The following GPR149 variants were observed in gnomAD, a reference collection of about 807,000 sequenced individuals.
GPR149 encodes the protein probable G protein-coupled receptor 149.
A neutral mutation model predicts 50.2 loss-of-function variants in GPR149; 50 were observed. The observed-to-expected ratio is 1.00, with a 90% CI of 0.79 to 1.26. The LOEUF is 1.26. Ranked by LOEUF, GPR149 falls within the 50% of genes most tolerant of loss-of-function variation. The pLI is 0.00. For missense variants in GPR149, 983 were observed against 895.4 expected (o/e 1.10, Z -1.25); for synonymous variants, 405 against 358.2 (o/e 1.13, Z -1.48).
At chr3:154,417,563 G>A (rs746044931) in intron 3 of GPR149, among the ~76,000 whole-genome samples, 6 of 152,012 alleles carry the variant, frequency 3.9e-5, no homozygotes, top group Admixed American at 3.3e-4. Flanking sequence ...ACTATTAAAT[G>A]TAGTACCATT....
At chr3:154,360,527 T>C (rs1424916978) in intron 3 of GPR149, among the ~76,000 whole-genome samples, 2 of 152,218 alleles carry the variant, frequency 1.3e-5, no homozygotes, top group African/African-American at 4.8e-5. Context: ...GCACAGATGT[T>C]AAGTATGTTT....
chr3:154,352,296 C>T (rs1400474989), intron 3 of GPR149: 4 of 885,916 alleles, frequency 4.5e-6, no homozygotes, highest in Non-Finnish European at 7.2e-6. Context: ...GCCTGACCAG[C>T]CACTTGACCA....
intron 3 of GPR149, among the ~76,000 whole-genome samples, chr3:154,341,079 A>G (rs1422174949): frequency 1.3e-5 from 2 of 152,026 alleles, no homozygotes; most frequent in African/African-American, 2.4e-5. Context: ...AAAGGGTTAT[A>G]TTGAAAACTT....
intron 3 of GPR149, among the ~76,000 whole-genome samples, chr3:154,361,886 T>A (rs1053636200): frequency 2.0e-5 from 3 of 152,204 alleles, no homozygotes; most frequent in Non-Finnish European, 4.4e-5. Flanking sequence ...ACTGACCACA[T>A]ACAAATACAA....
intron 3 of GPR149, among the ~76,000 whole-genome samples, chr3:154,411,021 A>G (rs1020096331): frequency 2.0e-5 from 3 of 152,166 alleles, no homozygotes; most frequent in Non-Finnish European, 4.4e-5. Context: ...ATAAAATTGG[A>G]AATCAACTCC....
At chr3:154,422,504 G>A (rs750236931) in intron 2 of GPR149, among the ~76,000 whole-genome samples, 6 of 151,330 alleles carry the variant, frequency 4.0e-5, no homozygotes, top group Middle Eastern at 3.5e-3. Context: ...AGCTATCTTC[G>A]ATAGAAAAAA....
At position 154,351,311 on chromosome 3, in the gene GPR149, T is replaced by TGCAAAAAAAAAA. The variant is rs1341107044; in HGVS notation, c.1624-13041_1624-13040insTTTTTTTTTTGC. On this transcript the variant is annotated intron_variant, in intron 3 of 3. Transcript: ENST00000389740. ...GTGCTAGGGCAATTAGACATCCACA[T>TGCAAAAAAAAAA]ACAAAAAAAAAAAAAAAAAAAAAAA... Among the ~76,000 whole-genome samples the TGCAAAAAAAAAA allele has an allele frequency of 6.1e-4, 12 of 19,708 alleles. 4 individuals carry two copies. The highest frequency in any genetic ancestry group is 5.3e-4 in the Non-Finnish European group (6 of 11,342). 12.9% of individuals were successfully genotyped at this position (19,708 alleles called of 152,430 possible).
chr3:154,373,277 C>A (rs10935984), intron 3 of GPR149, among the ~76,000 whole-genome samples: 21,106 of 152,032 alleles, frequency 0.14, 2,029 homozygotes, highest in East Asian at 0.45. Context: ...GCTTAGATAT[C>A]AGGTAGGATA....
Position 154,429,910 on chromosome 3 carries a change from G to A in GPR149, c.-295C>T, listed in dbSNP as rs1417132707. ...CTTCCCACCATCAAGTTTCAGGGAA[G>A]AAAGCCAAAAAAATAAACAAAACAA... On this transcript the variant is annotated 5_prime_UTR_variant, in exon 1 of 4. Transcript: ENST00000389740. 6.6e-6 allele frequency among the ~76,000 whole-genome samples: 1 copy of A among 151,122 alleles called. No individual in the cohort carries two copies. The highest frequency in any genetic ancestry group is 1.5e-5 in the Non-Finnish European group (1 of 67,832).
chr3:154,373,294 G>T (rs1490107014), intron 3 of GPR149, among the ~76,000 whole-genome samples: 2 of 152,102 alleles, frequency 1.3e-5, no homozygotes, highest in Non-Finnish European at 1.5e-5. Flanking sequence ...GATAAGAACT[G>T]AAAAGCTCAT....
At position 154,430,141 on chromosome 3, in the gene GPR149, G is replaced by A. The variant is rs112879650; in HGVS notation, c.-526C>T. Among the ~76,000 whole-genome samples the A allele has an allele frequency of 1.1e-5, 1 of 94,672 alleles. No individual in the cohort carries two copies. The highest frequency in any genetic ancestry group is 2.1e-5 in the Non-Finnish European group (1 of 46,978). 62.1% of individuals were successfully genotyped at this position (94,672 alleles called of 152,430 possible). ...GAAGGTGGAGAGAGAGAGAGAGACA[G>A]AGAGAGAGAGAGAGAGGGCGAGCGC... On this transcript the variant is annotated 5_prime_UTR_variant, in exon 1 of 4. Transcript: ENST00000389740.
Position 154,428,754 on chromosome 3 carries a change from A to C in GPR149, c.862T>G (p.Cys288Gly). 6.2e-7 allele frequency: 1 copy of C among 1,614,018 alleles called. No individual in the cohort carries two copies. Among genetic ancestry groups the C allele is most frequent in the South Asian group, 1.1e-5 (1 of 91,072 alleles). Residue 288 changes from cysteine (C) to glycine (G), a missense_variant, in exon 1 of 4, where the codon TGC becomes GGC. Coordinates refer to ENST00000389740, the MANE Select transcript of GPR149 (RefSeq NM_001038705.3). Reference protein sequence around the residue: ...GAPAAAGAEACRRENRGTLYG... With the variant: ...GAPAAAGAEAGRRENRGTLYG... ...AGAGTCCCCCGGTTCTCACGCCTGC[A>C]GGCTTCAGCCCCAGCGGCAGCGGGC... is the stretch of plus-strand genomic sequence containing the variant.
In GPR149 at chr3:154,421,381, A is replaced by C. The variant is rs1712140060; in HGVS notation, c.1281T>G (p.Tyr427Ter). 10 of 1,612,618 alleles carry C rather than the reference A, an allele frequency of 6.2e-6. No individual in the cohort carries two copies. The highest frequency in any genetic ancestry group is 8.5e-6 in the Non-Finnish European group (10 of 1,179,152). ...CACACTCAGAGTTCATCAGGTTGTG[A>C]TAGAATATGGAATTTTCATCATCAT... ...YYDDDENSIF[Y>*]HNLMNSECET... Residue 427 changes from tyrosine to a stop codon, truncating the protein, a stop_gained, in exon 3 of 4, where the codon TAT (tyrosine) becomes TAG (stop). Transcript: ENST00000389740. LOFTEE classifies it high-confidence loss of function.
Position 154,337,535 on chromosome 3 carries a change from A to C in GPR149, c.*164T>G, listed in dbSNP as rs1233827832. 1 of 503,796 alleles carries C rather than the reference A, an allele frequency of 2.0e-6. No homozygotes were observed. The highest frequency in any genetic ancestry group is 3.5e-6 in the Non-Finnish European group (1 of 289,824). 31.2% of individuals were successfully genotyped at this position (503,796 alleles called of 1,614,324 possible). ...TTTAGGTAACACATCAAATGCACTT[A>C]AGTGTTTACACTAGTTCCAGTTGTT... On this transcript the variant is annotated 3_prime_UTR_variant, in exon 4 of 4. Coordinates refer to ENST00000389740, the MANE Select transcript of GPR149 (RefSeq NM_001038705.3).
rs760432600 is a variant in GPR149, at chr3:154,337,783, A to ATGC, written c.2109_2111dup (p.Gln703dup). 2.5e-5 allele frequency: 40 copies of ATGC among 1,613,612 alleles called. No individual in the cohort carries two copies. In the African/African-American group the frequency reaches 4.3e-4, roughly 17 times the overall value. On this transcript the variant is annotated inframe_insertion, in exon 4 of 4. Coordinates refer to ENST00000389740, the MANE Select transcript of GPR149 (RefSeq NM_001038705.3). ...CCTCCTGGTAGCCATCCCTCTCTTG[A>ATGC]TGCTGCCTTTTACTGTTCTGCCTGT...
chr3:154,354,453 T>C (rs1410939693), intron 3 of GPR149, among the ~76,000 whole-genome samples: 1 of 152,226 alleles, frequency 6.6e-6, no homozygotes, highest in Non-Finnish European at 1.5e-5. Context: ...ACTGCCACCT[T>C]AGCCTCTTCA....
intron 3 of GPR149, among the ~76,000 whole-genome samples, chr3:154,376,429 T>A (rs927987679): frequency 5.9e-5 from 9 of 152,242 alleles, no homozygotes; most frequent in Non-Finnish European, 1.0e-4. Context: ...CAGGTTGATG[T>A]CAGGATGAAA....
chr3:154,398,563 A>G (rs1041228771), intron 3 of GPR149, among the ~76,000 whole-genome samples: 1 of 152,160 alleles, frequency 6.6e-6, no homozygotes, highest in African/African-American at 2.4e-5. Flanking sequence ...AGCTGAGAAC[A>G]GGAAGCTTTG....
At chr3:154,426,043 A>C (rs1712283216) in intron 2 of GPR149, among the ~76,000 whole-genome samples, 1 of 152,144 alleles carries the variant, frequency 6.6e-6, no homozygotes, top group Non-Finnish European at 1.5e-5. Context: ...AAATGCTAAG[A>C]TTTATTAGAA....
Sources: allele counts gnomAD v4.1 joint callset (sites outside exome capture counted in the v4.1 genomes callset), GRCh38; gene constraint gnomAD v4.1.1; transcripts MANE v1.5; gene names NCBI Gene and HGNC (gene_info 2026-07-23, HGNC 2026-07-21).